The following FNIP1 variants were observed in gnomAD, a reference collection of about 807,000 sequenced individuals.
FNIP1 encodes the protein folliculin-interacting protein 1.
In FNIP1, 40 loss-of-function variants were observed where a neutral mutation model predicts 124.5. That is an observed-to-expected ratio of 0.32 (90% CI 0.25 to 0.42). The LOEUF is 0.42. Among genes scored for constraint, FNIP1 ranks in the 10% least tolerant of loss-of-function variants. The probability of loss-of-function intolerance (pLI) is 1.00; values close to 1 mark genes in which losing one functional copy is unlikely to be tolerated. For missense variants in FNIP1, 1,176 were observed against 1,403.7 expected (o/e 0.84, Z 2.59); for synonymous variants, 472 against 470.6 (o/e 1.00, Z -0.04).
chr5:131,792,595 A>G (rs2149591875), intron 1 of FNIP1, among the ~76,000 whole-genome samples: 1 of 152,346 alleles, frequency 6.6e-6, no homozygotes, highest in East Asian at 1.9e-4. Context: ...ATGTTCATAT[A>G]TTTGGGATAC....
intron 1 of FNIP1, among the ~76,000 whole-genome samples, chr5:131,756,647 A>G (rs1389920965): frequency 6.6e-6 from 1 of 152,198 alleles, no homozygotes; most frequent in Non-Finnish European, 1.5e-5. Flanking sequence ...AAAATGACCC[A>G]CAGGTGAAAA....
chr5:131,737,345 T>A lies in FNIP1; in HGVS notation c.220-6307A>T, dbSNP rs139766654. Among the ~76,000 whole-genome samples the A allele has an allele frequency of 2.4e-4, 37 of 152,284 alleles. No homozygotes were observed. The East Asian group carries it at 5.2e-3, about 21-fold the overall frequency. The stretch of plus-strand genomic sequence containing the variant: ...AGAATAGTATGTGTGTGTATGTGCA[T>A]CCTTTTGTACACACTTTTAGGTGTG... On this transcript the variant is annotated intron_variant, in intron 2 of 17. Coordinates refer to ENST00000510461, the MANE Select transcript of FNIP1 (RefSeq NM_133372.3).
At chr5:131,650,997 G>A (rs765309376) in intron 16 of FNIP1, among the ~76,000 whole-genome samples, 1 of 152,200 alleles carries the variant, frequency 6.6e-6, no homozygotes, top group South Asian at 2.1e-4. Context: ...AAAAATTCTG[G>A]CTGCTGAAAT....
chr5:131,681,032 G>A (rs1768060793), intron 11 of FNIP1, among the ~76,000 whole-genome samples: 1 of 152,124 alleles, frequency 6.6e-6, no homozygotes, highest in Non-Finnish European at 1.5e-5. Flanking sequence ...AAAATTGGGA[G>A]ACTAATTCAA....
chr5:131,796,945 C>A lies in FNIP1; in HGVS notation c.-24G>T. ...ATGCTAGCCACGGCCAGGCAGGGGT[C>A]GCTCCGCTGGGCGCTTGCTAGGCCC... On this transcript the variant is annotated 5_prime_UTR_variant, in exon 1 of 18. Coordinates refer to ENST00000510461, the MANE Select transcript of FNIP1 (RefSeq NM_133372.3). 1 of 1,579,788 alleles carries A rather than the reference C, an allele frequency of 6.3e-7. No homozygotes were observed. The highest frequency in any genetic ancestry group is 1.1e-5 in the South Asian group (1 of 87,064).
rs1184942922 is a variant in FNIP1, at chr5:131,716,719, T to C, written c.531-63A>G. 1.0e-5 allele frequency: 10 copies of C among 979,176 alleles called. No individual in the cohort carries two copies. In the East Asian group the frequency reaches 1.1e-4, roughly 10 times the overall value. The allele number at this position is 979,176 out of a possible 1,614,324, so 60.7% of individuals were successfully genotyped here. On this transcript the variant is annotated intron_variant, in intron 5 of 17. Coordinates refer to ENST00000510461, the MANE Select transcript of FNIP1 (RefSeq NM_133372.3). The stretch of plus-strand genomic sequence containing the variant: ...TTTATGGTTTAAGGACAATTCTTTG[T>C]ACATCCTGATGAAATTTTAAGTGCA...
At chr5:131,645,042 G>A (rs1199600071) in intron 17 of FNIP1, among the ~76,000 whole-genome samples, 1 of 152,162 alleles carries the variant, frequency 6.6e-6, no homozygotes, top group Non-Finnish European at 1.5e-5. Context: ...AATAATAGCT[G>A]GGTGAGGTGA....
intron 1 of FNIP1, among the ~76,000 whole-genome samples, chr5:131,775,347 T>C (rs908780505): frequency 3.3e-5 from 5 of 152,062 alleles, no homozygotes; most frequent in Non-Finnish European, 5.9e-5. Context: ...TAAATTAACA[T>C]GTAAACATTT....
intron 2 of FNIP1, among the ~76,000 whole-genome samples, chr5:131,737,035 A>G (rs1266408906): frequency 6.6e-6 from 1 of 152,238 alleles, no homozygotes; most frequent in Non-Finnish European, 1.5e-5. Flanking sequence ...AGTAATATTT[A>G]TAACTTTTTT....
intron 1 of FNIP1, among the ~76,000 whole-genome samples, chr5:131,793,346 C>T (rs558635305): frequency 6.6e-6 from 1 of 152,258 alleles, no homozygotes; most frequent in South Asian, 2.1e-4. Context: ...AAAATAATCA[C>T]TTTTATATGT....
chr5:131,662,934 G>T (rs1487096530), intron 15 of FNIP1, among the ~76,000 whole-genome samples: 1 of 151,846 alleles, frequency 6.6e-6, no homozygotes, highest in East Asian at 1.9e-4. Flanking sequence ...GTGGAGACGG[G>T]GTTTTGCCAT....
chr5:131,776,905 G>A (rs1345948204), intron 1 of FNIP1, among the ~76,000 whole-genome samples: 4 of 152,048 alleles, frequency 2.6e-5, no homozygotes, highest in Non-Finnish European at 4.4e-5. Flanking sequence ...TTTACGATCC[G>A]TACACTTTTC....
chr5:131,772,711 C>T (rs1285965323), intron 1 of FNIP1, among the ~76,000 whole-genome samples: 2 of 152,154 alleles, frequency 1.3e-5, no homozygotes, highest in Non-Finnish European at 2.9e-5. Flanking sequence ...ATCCCATATT[C>T]AGTCAAGCAT....
At chr5:131,708,241 T>C (rs1215665515) in intron 8 of FNIP1, among the ~76,000 whole-genome samples, 1 of 152,218 alleles carries the variant, frequency 6.6e-6, no homozygotes, top group Admixed American at 6.5e-5. Flanking sequence ...GTTATTCTAA[T>C]ACATACCTAG....
Position 131,644,753 on chromosome 5 carries a change from T to G in FNIP1, c.3433A>C (p.Ser1145Arg). ...ELGVVLGIES[S>R]DLPLLAAVAS... ...ACAGCAGCCAGAAGTGGAAGATCAC[T>G]GGATTCAATCCTGAAATAAAGGGGA... Residue 1145 changes from serine (S) to arginine (R), a missense_variant, in exon 18 of 18, where the codon AGT becomes CGT. By Grantham distance (110) the Ser-to-Arg change is moderately radical (BLOSUM62 -1). Transcript: ENST00000510461. 6.2e-7 allele frequency: 1 copy of G among 1,613,924 alleles called. No homozygotes were observed. Among genetic ancestry groups the G allele is most frequent in the East Asian group, 2.2e-5 (1 of 44,878 alleles).
chr5:131,767,878 C>A (rs1339901092), intron 1 of FNIP1, among the ~76,000 whole-genome samples: 1 of 152,014 alleles, frequency 6.6e-6, no homozygotes, highest in Non-Finnish European at 1.5e-5. Context: ...CTGTTTATAT[C>A]CAATTATTTT....
In FNIP1 at chr5:131,713,720, C is replaced by T. The variant is rs142221936; in HGVS notation, c.622+2845G>A. On this transcript the variant is annotated intron_variant, in intron 6 of 17. Transcript: ENST00000510461. ...ACCAATATACATGCAATTAAACAGCCAGCAAAGTGCCAAACTTGATTCTTC... is the reference window on the plus strand; with the variant it reads ...ACCAATATACATGCAATTAAACAGCTAGCAAAGTGCCAAACTTGATTCTTC... Among the ~76,000 whole-genome samples the T allele has an allele frequency of 2.9e-3, 434 of 152,246 alleles. 3 individuals are homozygous for T. The highest frequency in any genetic ancestry group is 0.01 in the African/African-American group (419 of 41,532).
At chr5:131,671,249 T>C (rs2149514452) in intron 14 of FNIP1, among the ~76,000 whole-genome samples, 1 of 152,314 alleles carries the variant, frequency 6.6e-6, no homozygotes, top group South Asian at 2.1e-4. Context: ...CCTAAATGGC[T>C]TGAAACCTTC....
Position 131,644,071 on chromosome 5 carries a change from A to G in FNIP1, c.*614T>C, listed in dbSNP as rs1165386563. On this transcript the variant is annotated 3_prime_UTR_variant, in exon 18 of 18. Transcript: ENST00000510461. ...ATATATTTTTAAAGGCATGTTTACC[A>G]GTCTTGTATTTCTATTTCTGCTTTT... 1.3e-5 allele frequency: 2 copies of G among 152,280 alleles called. No homozygotes were observed. Among genetic ancestry groups the G allele is most frequent in the Admixed American group, 1.3e-4 (2 of 15,272 alleles). The allele number at this position is 152,280 out of a possible 1,614,324, so 9.4% of individuals were successfully genotyped here.
Sources: gnomAD v4.1 joint callset for allele counts (sites outside exome capture counted in the v4.1 genomes callset) on GRCh38, gnomAD v4.1.1 for gene constraint, MANE v1.5 for transcripts, NCBI Gene and HGNC (gene_info 2026-07-23, HGNC 2026-07-21) for gene names.